Variants in GRM8 observed in about 807,000 individuals in gnomAD.
The protein encoded by GRM8 is metabotropic glutamate receptor 8.
GRM8 carries 47 observed loss-of-function variants against 87.2 expected under a neutral mutation model. The ratio of observed to expected loss-of-function variants is 0.54; its 90% confidence interval spans 0.43 to 0.69. The LOEUF is 0.69. GRM8 is among the 30% of genes least tolerant of loss of function. The pLI is 0.00. For synonymous variants in GRM8, 396 were observed against 404.5 expected, an observed-to-expected ratio of 0.98 and a Z score of 0.25; for missense variants, 1,019 against 1,139.2, an observed-to-expected ratio of 0.89 and a Z score of 1.52.
At chr7:127,240,525 C>A (rs775762217) in intron 2 of GRM8, among the ~76,000 whole-genome samples, 15 of 151,990 alleles carry the variant, frequency 9.9e-5, no homozygotes, top group Non-Finnish European at 2.2e-4. Context: ...TGGCTGGGCA[C>A]CAGGCTACAG....
intron 7 of GRM8, among the ~76,000 whole-genome samples, chr7:126,699,783 C>T (rs1023848014): frequency 7.2e-5 from 11 of 152,112 alleles, no homozygotes; most frequent in African/African-American, 2.7e-4. Context: ...CAGAAATGCC[C>T]TAAGCCCACT....
intron 7 of GRM8, among the ~76,000 whole-genome samples, chr7:126,616,011 T>C (rs1799450797): frequency 6.6e-6 from 1 of 152,194 alleles, no homozygotes; most frequent in South Asian, 2.1e-4. Context: ...AACTCAGCTC[T>C]GCACAAAGCA....
chr7:127,155,489 C>T (rs1350708837), intron 2 of GRM8, among the ~76,000 whole-genome samples: 1 of 152,120 alleles, frequency 6.6e-6, no homozygotes, highest in African/African-American at 2.4e-5. Flanking sequence ...AGATATATTG[C>T]ATACCCCACC....
At chr7:127,073,377 A>C (rs1472328727) in intron 3 of GRM8, among the ~76,000 whole-genome samples, 1 of 152,162 alleles carries the variant, frequency 6.6e-6, no homozygotes, top group Non-Finnish European at 1.5e-5. Flanking sequence ...GAAACCCTGA[A>C]GATGATCCTT....
chr7:126,781,085 T>C (rs1017127506), intron 6 of GRM8, among the ~76,000 whole-genome samples: 2 of 152,138 alleles, frequency 1.3e-5, no homozygotes, highest in African/African-American at 4.8e-5. Flanking sequence ...GGCTTAAGTA[T>C]CTGGACAGAT....
At position 126,685,713 on chromosome 7, in the gene GRM8, A is replaced by G. The variant is rs75593782; in HGVS notation, c.1358-76215T>C. ...TGGACAAGCACAGGAGGGAGGCACAAGGGGTGCTGAGGACAGCGGGGTACT... is the reference window on the plus strand; with the variant it reads ...TGGACAAGCACAGGAGGGAGGCACAGGGGGTGCTGAGGACAGCGGGGTACT... On this transcript the variant is annotated intron_variant, in intron 7 of 10. Coordinates refer to ENST00000339582, the MANE Select transcript of GRM8 (RefSeq NM_000845.3). The surrounding 1 kb of genome is among the most constrained non-coding windows in gnomAD (Gnocchi z 4.2). Among the ~76,000 whole-genome samples the G allele has an allele frequency of 5.9e-3, 894 of 152,218 alleles. 7 individuals carry two copies. The highest frequency in any genetic ancestry group is 0.021 in the African/African-American group (857 of 41,556).
intron 3 of GRM8, among the ~76,000 whole-genome samples, chr7:127,086,917 G>T (rs1052650657): frequency 2.0e-5 from 3 of 152,202 alleles, no homozygotes; most frequent in Non-Finnish European, 4.4e-5. Context: ...AGTTCATGCT[G>T]CTGAGATAAA....
At chr7:127,106,882 C>T (rs1017055878) in intron 2 of GRM8, among the ~76,000 whole-genome samples, 170 bp from the exon 3 acceptor site, 2 of 152,202 alleles carry the variant, frequency 1.3e-5, no homozygotes, top group Admixed American at 6.5e-5. Context: ...TTGAATGGCC[C>T]ATAGGCTTAC....
chr7:127,234,415 A>G (rs966803577), intron 2 of GRM8, among the ~76,000 whole-genome samples: 8 of 152,262 alleles, frequency 5.3e-5, no homozygotes, highest in Admixed American at 4.6e-4. Flanking sequence ...CAACTCAAAA[A>G]TGAACACAAT....
intron 6 of GRM8, among the ~76,000 whole-genome samples, chr7:126,813,873 T>C (rs1198306662): frequency 6.6e-6 from 1 of 152,094 alleles, no homozygotes; most frequent in Non-Finnish European, 1.5e-5. Flanking sequence ...ATGGGAGCCA[T>C]TGTAAAAGAA....
intron 8 of GRM8, among the ~76,000 whole-genome samples, chr7:126,589,415 C>T (rs976039147): frequency 3.3e-5 from 5 of 152,056 alleles, no homozygotes; most frequent in East Asian, 1.9e-4. Flanking sequence ...CTACTGGTAA[C>T]GTAACTCCAT....
At chr7:127,095,005 A>T (rs1035473250) in intron 3 of GRM8, among the ~76,000 whole-genome samples, 6 of 152,240 alleles carry the variant, frequency 3.9e-5, no homozygotes, top group Non-Finnish European at 7.3e-5. Flanking sequence ...ATTCTGCTCA[A>T]TGGCTTCATG....
chr7:127,041,824 C>T (rs1321884189), intron 3 of GRM8, among the ~76,000 whole-genome samples: 2 of 152,160 alleles, frequency 1.3e-5, no homozygotes, highest in African/African-American at 4.8e-5. Flanking sequence ...GGTTGGCTGG[C>T]ACAGCTGAGT....
chr7:126,656,367 T>C (rs1487687732), intron 7 of GRM8, among the ~76,000 whole-genome samples: 2 of 152,126 alleles, frequency 1.3e-5, no homozygotes, highest in African/African-American at 2.4e-5. Context: ...CTCCTCCTCA[T>C]GTTATTTTGG....
In GRM8 at chr7:126,480,715, C is replaced by T. The variant is rs539933400; in HGVS notation, c.2431-34343G>A. On this transcript the variant is annotated intron_variant, in intron 9 of 10. Transcript: ENST00000339582. ...GGCTTTCAACATATATTTATGTGTA[C>T]GTGTGTATATATATAAAAATAGATG... Among the ~76,000 whole-genome samples the T allele has an allele frequency of 1.8e-4, 27 of 152,032 alleles. No homozygotes were observed. In the South Asian group the frequency reaches 2.7e-3, roughly 15 times the overall value.
chr7:127,138,869 A>G (rs914685163), intron 2 of GRM8, among the ~76,000 whole-genome samples: 4 of 152,128 alleles, frequency 2.6e-5, no homozygotes, highest in African/African-American at 9.7e-5. Context: ...ACAGAGTCCA[A>G]TGCAATTAAC....
intron 6 of GRM8, among the ~76,000 whole-genome samples, chr7:126,786,425 T>C (rs1820633275): frequency 6.6e-6 from 1 of 152,204 alleles, no homozygotes; most frequent in South Asian, 2.1e-4. Flanking sequence ...TGCTTTCCTA[T>C]CTAATTTTAA....
intron 3 of GRM8, among the ~76,000 whole-genome samples, chr7:126,914,589 TA>T (rs1191555592): frequency 6.6e-6 from 1 of 152,172 alleles, no homozygotes; most frequent in Non-Finnish European, 1.5e-5. Flanking sequence ...TATACAGCCA[TA>T]AAAAAGAATG....
At chr7:126,923,030 T>C (rs1332422667) in intron 3 of GRM8, among the ~76,000 whole-genome samples, 1 of 152,224 alleles carries the variant, frequency 6.6e-6, no homozygotes, top group Non-Finnish European at 1.5e-5. Context: ...TATTTCTTTA[T>C]ACCAATGCAA....
Sources: allele counts gnomAD v4.1 joint callset (sites outside exome capture counted in the v4.1 genomes callset), GRCh38; gene constraint gnomAD v4.1.1; non-coding constraint Gnocchi (gnomAD v3.1); transcripts MANE v1.5; gene names NCBI Gene and HGNC (gene_info 2026-07-23, HGNC 2026-07-21).